HDAC4: variants seen among roughly 807,000 people sequenced by gnomAD.
HDAC4 encodes histone deacetylase 4.
A neutral mutation model predicts 135.1 loss-of-function variants in HDAC4; 16 were observed. The observed-to-expected ratio is 0.12, with a 90% CI of 0.08 to 0.18. HDAC4 has a LOEUF of 0.18. HDAC4 is among the 10% of genes least tolerant of loss of function. The pLI is 1.00. For synonymous variants in HDAC4, 685 were observed against 653.4 expected, an observed-to-expected ratio of 1.05 and a Z score of -0.74; for missense variants, 1,143 against 1,511.8, an observed-to-expected ratio of 0.76 and a Z score of 4.05.
chr2:239,388,288 C>T (rs958784089), intron 1 of HDAC4, among the ~76,000 whole-genome samples: 22 of 152,162 alleles, frequency 1.4e-4, no homozygotes, highest in South Asian at 6.2e-4. Flanking sequence ...TGTGGCTCTC[C>T]GCTCGCTGGA....
rs34257939 is a variant in HDAC4, at chr2:239,162,677, C to T, written c.611+1126G>A. Among the ~76,000 whole-genome samples, 911 of 152,296 alleles carry T rather than the reference C, an allele frequency of 6.0e-3. 4 individuals carry two copies. Among genetic ancestry groups the T allele is most frequent in the Non-Finnish European group, 9.1e-3 (620 of 68,032 alleles). Reference sequence around the variant, plus strand: ...CCTTGCAAGTTTGTGTGTCCCTGGTCGAGTTACCCAAATCCAGACGGTGTG... The same window carrying T: ...CCTTGCAAGTTTGTGTGTCCCTGGTTGAGTTACCCAAATCCAGACGGTGTG... On this transcript the variant is annotated intron_variant, in intron 6 of 26. Coordinates refer to ENST00000543185, the MANE Select transcript of HDAC4 (RefSeq NM_001378414.1).
At chr2:239,067,035 T>A (rs1177047907) in intron 23 of HDAC4, 180 bp from the exon 24 acceptor site, 10 of 724,672 alleles carry the variant, frequency 1.4e-5, no homozygotes, top group East Asian at 2.7e-5. Context: ...TCCTCTTTGA[T>A]CTGTTTGAGA....
intron 21 of HDAC4, 87 bp downstream of exon 21, chr2:239,082,015 G>C: frequency 6.9e-7 from 1 of 1,448,574 alleles, no homozygotes; most frequent in South Asian, 1.2e-5. Context: ...CTGCTGCCGG[G>C]CAGCTGTGGA....
chr2:239,096,077 T>C (rs1028774449), intron 16 of HDAC4, among the ~76,000 whole-genome samples: 8 of 152,118 alleles, frequency 5.3e-5, no homozygotes, highest in African/African-American at 1.9e-4. Context: ...CTCCACTCTG[T>C]GTGCTCTGGT....
intron 2 of HDAC4, among the ~76,000 whole-genome samples, chr2:239,236,880 G>A (rs2047918898): frequency 6.6e-6 from 1 of 152,182 alleles, no homozygotes; most frequent in African/African-American, 2.4e-5. Context: ...GCAAACGCCC[G>A]TTTCTGGCCT....
chr2:239,062,712 G>C (rs1026585178), intron 24 of HDAC4, among the ~76,000 whole-genome samples: 1 of 152,240 alleles, frequency 6.6e-6, no homozygotes, highest in Admixed American at 6.5e-5. Context: ...GAAAGGACCT[G>C]TAAAGTGCTT....
intron 18 of HDAC4, among the ~76,000 whole-genome samples, chr2:239,088,427 A>G (rs374611947): frequency 1.4e-3 from 218 of 152,348 alleles, no homozygotes; most frequent in African/African-American, 5.0e-3. Flanking sequence ...AACGCTCTCA[A>G]GAGGCCCTGG....
At chr2:239,235,985 AG>A in intron 3 of HDAC4, among the ~76,000 whole-genome samples, 1 of 152,324 alleles carries the variant, frequency 6.6e-6, no homozygotes, top group African/African-American at 2.4e-5. Context: ...GGTTGCAGTG[AG>A]CCAAGATTAC....
At position 239,310,570 on chromosome 2, in the gene HDAC4, C is replaced by T. The variant is rs186815249; in HGVS notation, c.22+42108G>A. Among the ~76,000 whole-genome samples, 3 of 152,340 alleles carry T rather than the reference C, an allele frequency of 2.0e-5. No individual in the cohort carries two copies. In the East Asian group the frequency reaches 5.8e-4, roughly 29 times the overall value. Reference sequence around the variant, plus strand: ...GGGCAGGACTGCCAGGCAGAAAGAACACAGCACAGGCACAAGGGCAGACCC... The same window carrying T: ...GGGCAGGACTGCCAGGCAGAAAGAATACAGCACAGGCACAAGGGCAGACCC... On this transcript the variant is annotated intron_variant, in intron 2 of 26. Transcript: ENST00000543185.
chr2:239,112,430 C>T lies in HDAC4; in HGVS notation c.1792-718G>A, dbSNP rs372191294. On this transcript the variant is annotated intron_variant, in intron 13 of 26. Coordinates refer to ENST00000543185, the MANE Select transcript of HDAC4 (RefSeq NM_001378414.1). Reference sequence around the variant, plus strand: ...CCTGGTCTCACATCCCACACACCCTCGTGCAGGCTAAAAGCAGTAACAGCC... The same window carrying T: ...CCTGGTCTCACATCCCACACACCCTTGTGCAGGCTAAAAGCAGTAACAGCC... Among the ~76,000 whole-genome samples the T allele has an allele frequency of 4.0e-3, 606 of 152,334 alleles. 7 individuals carry two copies. The highest frequency in any genetic ancestry group is 6.9e-3 in the Non-Finnish European group (468 of 68,024).
At chr2:239,214,732 A>G (rs148523332) in intron 3 of HDAC4, among the ~76,000 whole-genome samples, 1 of 152,350 alleles carries the variant, frequency 6.6e-6, no homozygotes, top group Non-Finnish European at 1.5e-5. Context: ...ACAATCCAAC[A>G]ATCTTTTAGT....
chr2:239,061,886 C>T (rs2032793827), intron 24 of HDAC4, among the ~76,000 whole-genome samples: 1 of 152,156 alleles, frequency 6.6e-6, no homozygotes, highest in Non-Finnish European at 1.5e-5. Flanking sequence ...CCTGAAATGC[C>T]CCATGACTAA....
chr2:239,124,192 T>A (rs1429215530), intron 12 of HDAC4, among the ~76,000 whole-genome samples: 2 of 152,194 alleles, frequency 1.3e-5, no homozygotes, highest in Non-Finnish European at 2.9e-5. Context: ...TTAAATGATA[T>A]CATTTGTTGT....
At chr2:239,383,490 G>C (rs995104572) in intron 1 of HDAC4, among the ~76,000 whole-genome samples, 1 of 152,164 alleles carries the variant, frequency 6.6e-6, no homozygotes, top group South Asian at 2.1e-4. Context: ...CACTCAGCCG[G>C]AACAGGTGCC....
chr2:239,200,496 G>T, intron 3 of HDAC4, among the ~76,000 whole-genome samples: 1 of 152,200 alleles, frequency 6.6e-6, no homozygotes, highest in East Asian at 1.9e-4. Context: ...AGCTTCGTAT[G>T]TAGGTGAGTT....
intron 2 of HDAC4, among the ~76,000 whole-genome samples, chr2:239,289,575 G>A (rs1056639753): frequency 2.3e-5 from 3 of 132,872 alleles, no homozygotes; most frequent in Non-Finnish European, 4.9e-5. Flanking sequence ...GACAGGAGGA[G>A]CAGAGGTCTT....
intron 1 of HDAC4, among the ~76,000 whole-genome samples, chr2:239,386,319 C>T (rs998888703): frequency 6.6e-6 from 1 of 151,836 alleles, no homozygotes; most frequent in African/African-American, 2.4e-5. Flanking sequence ...AGTTTCTGTA[C>T]GAAAATGGGT....
At position 239,094,993 on chromosome 2, in the gene HDAC4, A is replaced by G. The variant is rs1230360867; in HGVS notation, c.2280+17T>C. The G allele has an allele frequency of 6.2e-7, 1 of 1,613,894 alleles. No homozygotes were observed. The highest frequency in any genetic ancestry group is 1.7e-5 in the Admixed American group (1 of 60,020). Reference sequence around the variant, plus strand: ...AGAAGAAACAGGACATTATTTACACATTAAAGGAACACTTACCCCAACACC... The same window carrying G: ...AGAAGAAACAGGACATTATTTACACGTTAAAGGAACACTTACCCCAACACC... On this transcript the variant is annotated intron_variant, in intron 17 of 26. Transcript: ENST00000543185.
intron 1 of HDAC4, among the ~76,000 whole-genome samples, chr2:239,357,489 G>C (rs1354574796): frequency 6.6e-6 from 1 of 151,322 alleles, no homozygotes; most frequent in East Asian, 1.9e-4. Flanking sequence ...ACAGAACAGA[G>C]AAAAATCAAT....
Sources: gnomAD v4.1 joint callset for allele counts (sites outside exome capture counted in the v4.1 genomes callset) on GRCh38, gnomAD v4.1.1 for gene constraint, MANE v1.5 for transcripts, NCBI Gene and HGNC (gene_info 2026-07-23, HGNC 2026-07-21) for gene names.